PTPRA: variants seen among roughly 807,000 people sequenced by gnomAD.
The protein encoded by PTPRA is protein tyrosine phosphatase receptor type A, also known as receptor-type tyrosine-protein phosphatase alpha.
Under a neutral mutation model 104.8 loss-of-function variants are expected in PTPRA, and 25 were observed. The observed-to-expected ratio is 0.24, with a 90% CI of 0.17 to 0.33. The LOEUF (loss-of-function observed/expected upper bound fraction) is 0.33. PTPRA is among the 10% of genes least tolerant of loss of function. PTPRA has a pLI of 1.00. For missense variants in PTPRA, 765 were observed against 1,015.3 expected (o/e 0.75, Z 3.35); for synonymous variants, 323 against 368.9 (o/e 0.88, Z 1.43).
chr20:2,917,349 T>C (rs964604057), intron 1 of PTPRA, among the ~76,000 whole-genome samples: 1 of 152,196 alleles, frequency 6.6e-6, no homozygotes, highest in Non-Finnish European at 1.5e-5. Context: ...CTGATCTATT[T>C]TCATTGAGAC....
intron 20 of PTPRA, among the ~76,000 whole-genome samples, chr20:3,033,018 C>T (rs2065585356): frequency 6.6e-6 from 1 of 151,858 alleles, no homozygotes; most frequent in Non-Finnish European, 1.5e-5. Context: ...AACCTGGCAG[C>T]TCCTTTGTTA....
At chr20:2,998,346 G>T (rs905678747) in intron 9 of PTPRA, among the ~76,000 whole-genome samples, 1 of 152,190 alleles carries the variant, frequency 6.6e-6, no homozygotes, top group Non-Finnish European at 1.5e-5. Flanking sequence ...AGGCATGTGT[G>T]TGTCACTAGT....
chr20:2,928,027 A>ATCAATCTATCTT (rs924760036), intron 2 of PTPRA, among the ~76,000 whole-genome samples: 1 of 152,124 alleles, frequency 6.6e-6, no homozygotes, highest in Non-Finnish European at 1.5e-5. Context: ...CAATCAGTCA[A>ATCAATCTATCTT]TCAATCTATC....
intron 1 of PTPRA, among the ~76,000 whole-genome samples, chr20:2,890,319 A>C (rs2058746772): frequency 6.6e-6 from 1 of 152,044 alleles, no homozygotes; most frequent in Non-Finnish European, 1.5e-5. Flanking sequence ...TGGATAGACT[A>C]GGGTTCATAT....
rs1374416267 is a variant in PTPRA at position 3,022,362 on chromosome 20, T to TC, written c.1328+144dup. 12 of 1,124,986 alleles carry TC rather than the reference T, an allele frequency of 1.1e-5. No homozygotes were observed. In the South Asian group the frequency reaches 1.1e-4, roughly 10 times the overall value. The allele number at this position is 1,124,986 out of a possible 1,614,324, so 69.7% of individuals were successfully genotyped here. On this transcript the variant is annotated intron_variant, in intron 15 of 23. Transcript: ENST00000399903. This position sits in a 1 kb window ranked among gnomAD's most constrained non-coding sequence, Gnocchi z 4.6. ...GGGCACCAGCGCAACAGCCAGAGAC[T>TC]CCAAGTTCTAGTGCAGGGTGGAGAA...
chr20:3,026,641 T>G (rs778931822), intron 17 of PTPRA, 46 bp from the exon 18 acceptor site: 1 of 1,464,452 alleles, frequency 6.8e-7, no homozygotes, highest in South Asian at 1.1e-5. Context: ...CTTGTCAAGT[T>G]CAGTTACTGG....
At position 2,975,448 on chromosome 20, in the gene PTPRA, A is replaced by T. The variant is rs548553785; in HGVS notation, c.442+207A>T. Among the ~76,000 whole-genome samples the T allele has an allele frequency of 2.6e-5, 4 of 152,312 alleles. No individual in the cohort carries two copies. In the East Asian group the frequency reaches 5.8e-4, roughly 22 times the overall value. Reference sequence around the variant, plus strand: ...GTATGTTTTTTAATATAGACTATGGATTCTAACAGCTATGATGTATTTTAA... The same window carrying T: ...GTATGTTTTTTAATATAGACTATGGTTTCTAACAGCTATGATGTATTTTAA... On this transcript the variant is annotated intron_variant, in intron 6 of 23. Coordinates refer to ENST00000399903, the MANE Select transcript of PTPRA (RefSeq NM_001385305.1).
chr20:2,901,384 A>T (rs1298573617), intron 1 of PTPRA, among the ~76,000 whole-genome samples: 1 of 151,864 alleles, frequency 6.6e-6, no homozygotes, highest in Non-Finnish European at 1.5e-5. Context: ...AGCTGAAGGG[A>T]GGATATGTAC....
chr20:2,864,969 T>A, the PTPRA span: 1 of 1,614,104 alleles, frequency 6.2e-7, no homozygotes, highest in Non-Finnish European at 8.5e-7. The surrounding 1 kb of genome is among the most constrained non-coding windows in gnomAD (Gnocchi z 5.2). Context: ...TTCCTTCTTG[T>A]CTTTATAGCG....
intron 9 of PTPRA, among the ~76,000 whole-genome samples, chr20:2,999,600 G>A (rs574413417): frequency 6.6e-6 from 1 of 152,304 alleles, no homozygotes; most frequent in Non-Finnish European, 1.5e-5. Flanking sequence ...TGCAGTTTGG[G>A]TGGGGAAAAG....
intron 2 of PTPRA, among the ~76,000 whole-genome samples, chr20:2,942,429 C>G (rs1436821076): frequency 1.3e-5 from 2 of 151,990 alleles, no homozygotes; most frequent in Admixed American, 1.3e-4. Context: ...TTCAACTTTT[C>G]TATATCCTTA....
At position 3,035,854 on chromosome 20, in the gene PTPRA, G is replaced by A. The variant is rs2065775177; in HGVS notation, c.2111G>A (p.Ser704Asn). The A allele has an allele frequency of 8.1e-6, 13 of 1,614,180 alleles. No homozygotes were observed. The highest frequency in any genetic ancestry group is 1.1e-5 in the Non-Finnish European group (13 of 1,180,034). ...GGCTGGCCTGAAGTGGGCATCCCCA[G>A]TGACGGAAAGGGCATGATCAGCATC... ...FHGWPEVGIP[S>N]DGKGMISIIA... Residue 704 changes from serine (S) to asparagine (N), a missense_variant, in exon 22 of 24, where the codon AGT (serine) becomes AAT (asparagine). By Grantham distance (46) the Ser-to-Asn change is conservative (BLOSUM62 1). This residue lies in a region of PTPRA where 72 missense variants were observed against 140.7 expected (regional missense o/e 0.51). Transcript: ENST00000399903. This position sits in a 1 kb window ranked among gnomAD's most constrained non-coding sequence, Gnocchi z 5.8.
intron 1 of PTPRA, among the ~76,000 whole-genome samples, chr20:2,921,784 A>G (rs2060107562): frequency 6.6e-6 from 1 of 152,160 alleles, no homozygotes; most frequent in African/African-American, 2.4e-5. Context: ...TGCAGTGCAC[A>G]CCTGACGAAG....
At chr20:2,940,697 G>GAA (rs2060879221) in intron 2 of PTPRA, among the ~76,000 whole-genome samples, 1 of 151,864 alleles carries the variant, frequency 6.6e-6, no homozygotes, top group Non-Finnish European at 1.5e-5. Flanking sequence ...AAGAGAGAGA[G>GAA]AAAAAAAGAA....
intron 9 of PTPRA, among the ~76,000 whole-genome samples, chr20:2,994,293 G>A (rs886413860): frequency 1.3e-5 from 2 of 152,032 alleles, no homozygotes; most frequent in South Asian, 4.1e-4. Flanking sequence ...AAATGACCCA[G>A]GCCTACGAGT....
At chr20:2,949,741 C>T (rs1481093995) in intron 3 of PTPRA, among the ~76,000 whole-genome samples, 2 of 151,126 alleles carry the variant, frequency 1.3e-5, no homozygotes, top group Non-Finnish European at 2.9e-5. Context: ...TAAATAGTAA[C>T]TTTTATCAGG....
intron 5 of PTPRA, among the ~76,000 whole-genome samples, chr20:2,974,674 C>G (rs1232977008): frequency 2.6e-5 from 4 of 152,198 alleles, no homozygotes; most frequent in Non-Finnish European, 5.9e-5. Flanking sequence ...AGGTGATCCA[C>G]TGCACCCGGC....
intron 3 of PTPRA, among the ~76,000 whole-genome samples, chr20:2,951,447 A>G (rs146334819): frequency 6.2e-4 from 95 of 152,308 alleles, no homozygotes; most frequent in Middle Eastern, 3.4e-3. Flanking sequence ...TCCTAGAGAC[A>G]GTGAATAACT....
chr20:3,004,034 T>C (rs2063748261), intron 9 of PTPRA, among the ~76,000 whole-genome samples: 1 of 152,254 alleles, frequency 6.6e-6, no homozygotes, highest in African/African-American at 2.4e-5. Flanking sequence ...TTATTTATTT[T>C]TGAGACGGAG....
Sources: allele counts gnomAD v4.1 joint callset (sites outside exome capture counted in the v4.1 genomes callset), GRCh38; gene constraint gnomAD v4.1.1; regional missense constraint gnomAD v4.1.1; non-coding constraint Gnocchi (gnomAD v3.1); transcripts MANE v1.5; gene names NCBI Gene and HGNC (gene_info 2026-07-23, HGNC 2026-07-21).